The following NLRP12 variants were observed in gnomAD, a reference collection of about 807,000 sequenced individuals.
NLRP12 encodes NACHT, LRR and PYD domains-containing protein 12.
Under a neutral mutation model 91.2 loss-of-function variants are expected in NLRP12, and 108 were observed. The ratio of observed to expected loss-of-function variants is 1.18; its 90% confidence interval spans 1.01 to 1.39. The LOEUF is 1.39. NLRP12 is among the 40% of genes most tolerant of loss of function. The pLI is 0.00. For missense variants in NLRP12, 1,530 were observed against 1,352.7 expected (o/e 1.13, Z -2.06); for synonymous variants, 613 against 566.7 (o/e 1.08, Z -1.16).
At chr19:53,808,661 T>G (rs1003431799) in intron 3 of NLRP12, 2 of 152,066 alleles carry the variant, frequency 1.3e-5, no homozygotes, top group African/African-American at 4.8e-5. Flanking sequence ...GCCCCTGCAC[T>G]CCAGCCTTGG....
chr19:53,803,943 A>G lies in NLRP12; in HGVS notation c.2585+9T>C. 1 of 1,613,434 alleles carries G rather than the reference A, an allele frequency of 6.2e-7. No individual in the cohort carries two copies. Among genetic ancestry groups the G allele is most frequent in the Non-Finnish European group, 8.5e-7 (1 of 1,179,388 alleles). Reference sequence around the variant, plus strand: ...CATTTTATTATAGTTGACCCCAGGAAGAACTCACCACAAAGTCCGTAGTCT... The same window carrying G: ...CATTTTATTATAGTTGACCCCAGGAGGAACTCACCACAAAGTCCGTAGTCT... On this transcript the variant is annotated intron_variant, in intron 6 of 9. Coordinates refer to ENST00000324134, the MANE Select transcript of NLRP12 (RefSeq NM_144687.4).
chr19:53,818,374 T>A (rs939900518), intron 1 of NLRP12, among the ~76,000 whole-genome samples: 10 of 151,944 alleles, frequency 6.6e-5, no homozygotes, highest in Admixed American at 3.9e-4. Context: ...TTTTTTTTTT[T>A]AAAGGTAATC....
intron 1 of NLRP12, among the ~76,000 whole-genome samples, chr19:53,821,035 T>C (rs534664952): frequency 1.3e-4 from 15 of 118,392 alleles, no homozygotes; most frequent in African/African-American, 4.2e-4. Context: ...TTTTTTCTTT[T>C]TTTTTTTTTT....
rs2092309334 is a variant in NLRP12 at position 53,824,165 on chromosome 19, T to G, written c.10A>C (p.Thr4Pro). ...CGACAGAGGCCGTCCCTGCCTGCGG[T>G]TCGTAGCATGGGGGTGCCGTGAGCC... Reference protein sequence around the residue: MLRTAGRDGLCRLS... With the variant: MLRPAGRDGLCRLS... The change falls in exon 1 of 10, where the codon ACC (threonine) becomes CCC (proline). Residue 4 changes from threonine to proline, a missense_variant. Transcript: ENST00000324134. The G allele has an allele frequency of 9.3e-6, 15 of 1,613,994 alleles. No homozygotes were observed. The highest frequency in any genetic ancestry group is 1.2e-5 in the Non-Finnish European group (14 of 1,180,014).
chr19:53,823,373 A>G (rs1055671333), intron 1 of NLRP12, among the ~76,000 whole-genome samples: 19 of 129,532 alleles, frequency 1.5e-4, no homozygotes, highest in Middle Eastern at 3.8e-3. Flanking sequence ...ATATTTAATA[A>G]TATAATTATA....
intron 5 of NLRP12, among the ~76,000 whole-genome samples, chr19:53,804,639 G>A (rs2091928246): frequency 6.6e-6 from 1 of 150,418 alleles, no homozygotes; most frequent in South Asian, 2.1e-4. Flanking sequence ...TCGAACTCCT[G>A]ACCTCAGGTG....
chr19:53,809,224 TAAAAAAA>T (rs3973673), intron 3 of NLRP12, among the ~76,000 whole-genome samples: 2 of 133,662 alleles, frequency 1.5e-5, no homozygotes, highest in African/African-American at 2.9e-5. Flanking sequence ...AGACTTAGTT[TAAAAAAA>T]AAAAAAAAAA....
Position 53,810,335 on chromosome 19 carries a change from G to C in NLRP12, c.1324C>G (p.Leu442Val), listed in dbSNP as rs2092045573. The C allele has an allele frequency of 1.9e-6, 3 of 1,613,626 alleles. No homozygotes were observed. In the South Asian group the frequency reaches 3.3e-5, roughly 18 times the overall value. The change falls in exon 3 of 10, where the codon CTG (leucine) becomes GTG (valine). Residue 442 changes from leucine to valine, a missense_variant. Leu to Val is a conservative substitution (Grantham distance 32, BLOSUM62 1). Coordinates refer to ENST00000324134, the MANE Select transcript of NLRP12 (RefSeq NM_144687.4). Reference protein sequence around the residue: ...TAVYMLYLLSLMQPKPGAPRL... With the variant: ...TAVYMLYLLSVMQPKPGAPRL... Reference sequence around the variant, plus strand: ...GGGGCCCCCGGCTTGGGTTGCATCAGACTCAGCAGGTAGAGCATGTACACT... The same window carrying C: ...GGGGCCCCCGGCTTGGGTTGCATCACACTCAGCAGGTAGAGCATGTACACT...
At chr19:53,797,130 A>AATT (rs10694110) in intron 8 of NLRP12, among the ~76,000 whole-genome samples, 59,975 of 145,758 alleles carry the variant, frequency 0.41, 13,459 homozygotes, top group African/African-American at 0.64. Flanking sequence ...CACCAGATTG[A>AATT]ATTATTATTT....
Position 53,801,315 on chromosome 19 carries a change from C to T in NLRP12, c.2668G>A (p.Asp890Asn). ...LSVNQSLREL[D>N]LSLNELGDLG... ...TCCCCCAGCTCATTCAGGCTCAGGT[C>T]CAGCTCTCTCAGGCTCTGGTTCACA... Residue 890 changes from aspartate to asparagine, a missense_variant, in exon 7 of 10, where the codon GAC becomes AAC. Physicochemically the swap from Asp to Asn is conservative, Grantham distance 23. Transcript: ENST00000324134. The T allele has an allele frequency of 1.2e-6, 2 of 1,614,058 alleles. No homozygotes were observed.
chr19:53,823,601 T>C (rs967403073), intron 1 of NLRP12, among the ~76,000 whole-genome samples: 17 of 150,540 alleles, frequency 1.1e-4, no homozygotes, highest in African/African-American at 3.9e-4. Flanking sequence ...TAGGCTGGGG[T>C]GCAGTGGCAG....
intron 1 of NLRP12, among the ~76,000 whole-genome samples, chr19:53,816,553 G>T (rs571331229): frequency 6.6e-6 from 1 of 151,836 alleles, no homozygotes; most frequent in African/African-American, 2.4e-5. Flanking sequence ...AGACAGTCTC[G>T]CTCTGTCGCC....
chr19:53,804,168 A>G (rs755641659), intron 5 of NLRP12, 46 bp from the exon 6 acceptor site: 9 of 1,596,664 alleles, frequency 5.6e-6, no homozygotes, highest in African/African-American at 4.0e-5. Flanking sequence ...TTGCTTTTCT[A>G]TGTCGTGATC....
chr19:53,793,866 T>A lies in NLRP12; in HGVS notation c.*183A>T. On this transcript the variant is annotated 3_prime_UTR_variant, in exon 10 of 10. Transcript: ENST00000324134. ...TCTCGAAGTGCTAGGATTACATACA[T>A]GAGCCACCACGCCTGGCCAGCTCTG... The A allele has an allele frequency of 1.5e-6, 1 of 681,870 alleles. No individual in the cohort carries two copies. The highest frequency in any genetic ancestry group is 1.6e-5 in the South Asian group (1 of 63,748). The allele number at this position is 681,870 out of a possible 1,614,324, so 42.2% of individuals were successfully genotyped here. A position where few individuals can be genotyped will look rare whatever the true frequency, so the allele number is the denominator to read the frequency against.
chr19:53,810,189 G>C lies in NLRP12; in HGVS notation c.1470C>G (p.Asp490Glu). 1 of 1,614,184 alleles carries C rather than the reference G, an allele frequency of 6.2e-7. No individual in the cohort carries two copies. The change falls in exon 3 of 10, where the codon GAC becomes GAG. Residue 490 changes from aspartate to glutamate, a missense_variant. Asp to Glu is a conservative substitution (Grantham distance 45). Coordinates refer to ENST00000324134, the MANE Select transcript of NLRP12 (RefSeq NM_144687.4). ...TGTTCATGTTGAGGAAGGCAGAGACGTCTTCCCCGTCTAGGCCGTGCTTCC... is the reference window on the plus strand; with the variant it reads ...TGTTCATGTTGAGGAAGGCAGAGACCTCTTCCCCGTCTAGGCCGTGCTTCC... ...DLRKHGLDGE[D>E]VSAFLNMNIF...
At position 53,810,771 on chromosome 19, in the gene NLRP12, G is replaced by A. The variant is rs538564043; in HGVS notation, c.888C>T (p.Phe296=). ...CGTGGAAAGAAGGCTTGAGCTCATC[G>A]AAGCCGTCGATGATGAAAAGGAGGC... ...PERLLFIIDG[F]DELKPSFHDP... Residue 296 remains phenylalanine (F), a synonymous_variant, in exon 3 of 10, where the codon TTC becomes TTT. Transcript: ENST00000324134. The A allele has an allele frequency of 3.1e-6, 5 of 1,614,038 alleles. No homozygotes were observed. The highest frequency in any genetic ancestry group is 1.7e-5 in the Admixed American group (1 of 59,982).
intron 7 of NLRP12, among the ~76,000 whole-genome samples, chr19:53,800,622 G>A (rs2091853139): frequency 6.7e-6 from 1 of 149,768 alleles, no homozygotes; most frequent in Non-Finnish European, 1.5e-5. Flanking sequence ...CGCTCTTGTT[G>A]CCCAGACTGG....
chr19:53,793,931 C>T lies in NLRP12; in HGVS notation c.*118G>A, dbSNP rs143930342. 119 of 801,690 alleles carry T rather than the reference C, an allele frequency of 1.5e-4. 1 individual carries two copies. The African/African-American group carries it at 1.7e-3, about 11-fold the overall frequency. 49.7% of individuals were successfully genotyped at this position (801,690 alleles called of 1,614,324 possible). A position where few individuals can be genotyped will look rare whatever the true frequency, so the allele number is the denominator to read the frequency against. On this transcript the variant is annotated 3_prime_UTR_variant, in exon 10 of 10. Coordinates refer to ENST00000324134, the MANE Select transcript of NLRP12 (RefSeq NM_144687.4). ...GATCCCAAGCAGAGGGACTTTTGATCTCAATCTGCATGAGTCTGTCTCTAG... is the reference window on the plus strand; with the variant it reads ...GATCCCAAGCAGAGGGACTTTTGATTTCAATCTGCATGAGTCTGTCTCTAG...
At position 53,819,632 on chromosome 19, in the gene NLRP12, T is replaced by C. The variant is rs766210644; in HGVS notation, c.289+4254A>G. 1.4e-3 allele frequency among the ~76,000 whole-genome samples: 121 copies of C among 86,688 alleles called. 3 individuals carry two copies. The highest frequency in any genetic ancestry group is 5.5e-3 in the African/African-American group (105 of 18,996). 56.9% of individuals were successfully genotyped at this position (86,688 alleles called of 152,430 possible). On this transcript the variant is annotated intron_variant, in intron 1 of 9. Coordinates refer to ENST00000324134, the MANE Select transcript of NLRP12 (RefSeq NM_144687.4). The stretch of plus-strand genomic sequence containing the variant: ...ATGTATGTATACGTATATACGCGTA[T>C]ATATGTATGTATACGTATATATATA...
Sources: allele counts gnomAD v4.1 joint callset (sites outside exome capture counted in the v4.1 genomes callset), GRCh38; gene constraint gnomAD v4.1.1; transcripts MANE v1.5; gene names NCBI Gene and HGNC (gene_info 2026-07-23, HGNC 2026-07-21).